The following ZMAT4 variants were observed in gnomAD, a reference collection of about 807,000 sequenced individuals.
ZMAT4 encodes zinc finger matrin-type 4.
In ZMAT4, 17 loss-of-function variants were observed where a neutral mutation model predicts 28.7. The observed-to-expected ratio is 0.59, with a 90% CI of 0.41 to 0.89. ZMAT4 has a LOEUF of 0.89. ZMAT4 is among the 40% of genes least tolerant of loss of function. ZMAT4 has a pLI of 0.00. For missense variants in ZMAT4, 240 were observed against 283.8 expected, an observed-to-expected ratio of 0.85 and a Z score of 1.11; for synonymous variants, 117 against 109.2, an observed-to-expected ratio of 1.07 and a Z score of -0.44.
chr8:40,867,029 C>A (rs1817696600), intron 1 of ZMAT4, among the ~76,000 whole-genome samples: 1 of 152,188 alleles, frequency 6.6e-6, no homozygotes, highest in South Asian at 2.1e-4. Flanking sequence ...TCTCTAACTT[C>A]AAAATGTATC....
At chr8:40,764,819 A>G (rs1416934027) in intron 3 of ZMAT4, among the ~76,000 whole-genome samples, 4 of 151,954 alleles carry the variant, frequency 2.6e-5, no homozygotes, top group Non-Finnish European at 4.4e-5. Flanking sequence ...AAAAATCTAT[A>G]CCTTCGATAT....
At chr8:40,841,956 C>T (rs1816716814) in intron 1 of ZMAT4, among the ~76,000 whole-genome samples, 2 of 152,152 alleles carry the variant, frequency 1.3e-5, no homozygotes, top group Non-Finnish European at 2.9e-5. Flanking sequence ...GCAGCACGTG[C>T]CCACAGGTGT....
At chr8:40,667,522 A>G (rs1468606194) in intron 5 of ZMAT4, among the ~76,000 whole-genome samples, 1 of 152,170 alleles carries the variant, frequency 6.6e-6, no homozygotes, top group African/African-American at 2.4e-5. Flanking sequence ...ATCCACTTAC[A>G]ATGCCATGTG....
intron 3 of ZMAT4, among the ~76,000 whole-genome samples, chr8:40,745,845 TG>T (rs1712945989): frequency 6.6e-6 from 1 of 152,146 alleles, no homozygotes. Context: ...GAAACAAAAA[TG>T]GTCCACTCAA....
At chr8:40,673,685 G>T (rs1808781053) in intron 5 of ZMAT4, among the ~76,000 whole-genome samples, 1 of 152,152 alleles carries the variant, frequency 6.6e-6, no homozygotes, top group Non-Finnish European at 1.5e-5. Context: ...GTATGTAGGT[G>T]ATCAAAAATG....
chr8:40,870,101 A>G (rs929121741), intron 1 of ZMAT4, among the ~76,000 whole-genome samples: 2 of 152,214 alleles, frequency 1.3e-5, no homozygotes, highest in Non-Finnish European at 2.9e-5. Flanking sequence ...CTTTTGTAAA[A>G]TAAATGTACA....
chr8:40,858,864 C>T (rs1004412), intron 1 of ZMAT4, among the ~76,000 whole-genome samples: 32,957 of 152,056 alleles, frequency 0.22, 4,299 homozygotes, highest in East Asian at 0.4. Flanking sequence ...CATTTGTACA[C>T]GGGTCTTTGC....
intron 5 of ZMAT4, among the ~76,000 whole-genome samples, chr8:40,599,471 C>T (rs1007577073): frequency 7.2e-5 from 11 of 152,202 alleles, no homozygotes; most frequent in African/African-American, 2.6e-4. Context: ...AGCTATATTT[C>T]CCAGATAAAA....
chr8:40,701,668 C>T (rs1810156211), intron 3 of ZMAT4, among the ~76,000 whole-genome samples: 1 of 151,796 alleles, frequency 6.6e-6, no homozygotes, highest in South Asian at 2.1e-4. Context: ...CAGGTGCACA[C>T]CCTATGCCTG....
rs10103814 is a variant in ZMAT4 at position 40,641,914 on chromosome 8, G to A, written c.577+32790C>T. ...GAACAAGCAGCCTGGGCAACAAAGC[G>A]AGAATCCGTCTAAAATAATGATAAT... On this transcript the variant is annotated intron_variant, in intron 5 of 6. Coordinates refer to ENST00000297737, the MANE Select transcript of ZMAT4 (RefSeq NM_024645.3). Among the ~76,000 whole-genome samples, 1,506 of 151,958 alleles carry A rather than the reference G, an allele frequency of 9.9e-3. 23 individuals carry two copies. The highest frequency in any genetic ancestry group is 0.034 in the African/African-American group (1,428 of 41,450).
rs149941859 is a variant in ZMAT4, at chr8:40,656,047, T to C, written c.577+18657A>G. Among the ~76,000 whole-genome samples the C allele has an allele frequency of 8.5e-5, 13 of 152,230 alleles. No homozygotes were observed. In the East Asian group the frequency reaches 2.3e-3, roughly 27 times the overall value. ...GAATGAGAGACAAAATTGAAAATCA[T>C]ATATCTGATAAGAATCCAGTATCCA... On this transcript the variant is annotated intron_variant, in intron 5 of 6. Coordinates refer to ENST00000297737, the MANE Select transcript of ZMAT4 (RefSeq NM_024645.3).
intron 1 of ZMAT4, among the ~76,000 whole-genome samples, chr8:40,838,785 G>A (rs1335919791): frequency 2.6e-5 from 4 of 152,148 alleles, no homozygotes; most frequent in Admixed American, 2.6e-4. Flanking sequence ...TGAACAGTTA[G>A]GTGGACAGTG....
At chr8:40,595,111 C>A (rs758057854) in intron 5 of ZMAT4, among the ~76,000 whole-genome samples, 1 of 152,082 alleles carries the variant, frequency 6.6e-6, no homozygotes, top group Non-Finnish European at 1.5e-5. Context: ...TGTAATTGCA[C>A]GTTTTTTATT....
intron 6 of ZMAT4, among the ~76,000 whole-genome samples, chr8:40,580,010 CTTT>C (rs60027647): frequency 1.6e-4 from 19 of 118,722 alleles, no homozygotes; most frequent in African/African-American, 5.1e-4. Context: ...ATGTATTCAT[CTTT>C]TTTTTTTTTT....
At chr8:40,766,617 C>G (rs181365641) in intron 3 of ZMAT4, among the ~76,000 whole-genome samples, 7 of 152,290 alleles carry the variant, frequency 4.6e-5, no homozygotes, top group African/African-American at 1.7e-4. Flanking sequence ...GACAGATCTG[C>G]AGTGTTCCAG....
At chr8:40,735,890 G>A (rs1214507255) in intron 3 of ZMAT4, among the ~76,000 whole-genome samples, 1 of 150,780 alleles carries the variant, frequency 6.6e-6, no homozygotes. Context: ...GGCACGGGGA[G>A]TGGGAGTGAC....
chr8:40,604,141 G>T (rs1805498112), intron 5 of ZMAT4, among the ~76,000 whole-genome samples: 1 of 152,052 alleles, frequency 6.6e-6, no homozygotes, highest in Admixed American at 6.6e-5. Context: ...GGGTTTTCTA[G>T]GTATACAATC....
intron 5 of ZMAT4, among the ~76,000 whole-genome samples, chr8:40,670,982 C>A (rs1188162733): frequency 6.6e-6 from 1 of 151,450 alleles, no homozygotes; most frequent in Non-Finnish European, 1.5e-5. Context: ...GCAGGAGAAT[C>A]TCTTGAACCT....
intron 3 of ZMAT4, among the ~76,000 whole-genome samples, chr8:40,729,919 A>G (rs1022601663): frequency 1.3e-5 from 2 of 152,194 alleles, no homozygotes; most frequent in African/African-American, 4.8e-5. Context: ...CAGTATTTAA[A>G]AAAACAAAAT....
Sources: gnomAD v4.1 joint callset for allele counts (sites outside exome capture counted in the v4.1 genomes callset) on GRCh38, gnomAD v4.1.1 for gene constraint, MANE v1.5 for transcripts, NCBI Gene and HGNC (gene_info 2026-07-23, HGNC 2026-07-21) for gene names.